The following SLC2A1 variants were observed in gnomAD, a reference collection of about 807,000 sequenced individuals.
SLC2A1 encodes the protein solute carrier family 2 member 1, also known as solute carrier family 2, facilitated glucose transporter member 1.
In SLC2A1, 4 loss-of-function variants were observed where a neutral mutation model predicts 46.6. The ratio of observed to expected loss-of-function variants is 0.09; its 90% CI spans 0.04 to 0.20. The LOEUF (loss-of-function observed/expected upper bound fraction) is 0.20. Ranked by LOEUF, SLC2A1 falls within the 10% of genes least tolerant of loss-of-function variation. The pLI, the probability that SLC2A1 is intolerant of heterozygous loss-of-function variation, is 1.00. For missense variants in SLC2A1, 352 were observed against 667.0 expected (o/e 0.53, Z 5.20); for synonymous variants, 253 against 270.0 (o/e 0.94, Z 0.62).
rs771386274 is a variant in SLC2A1, at chr1:42,929,868, C to T, written c.679+5G>A. 1.5e-5 allele frequency: 24 copies of T among 1,613,982 alleles called. No individual in the cohort carries two copies. The highest frequency in any genetic ancestry group is 1.7e-5 in the Non-Finnish European group (20 of 1,180,022). ...GTGGGGAGGAGGGCAGGGCCATGCC[C>T]GTACCACTCTTGGCCCGGTTCTCCT... On this transcript the variant is annotated splice_donor_5th_base_variant and intron_variant, in intron 5 of 9. Coordinates refer to ENST00000426263, the MANE Select transcript of SLC2A1 (RefSeq NM_006516.4). This position sits in a 1 kb window ranked among gnomAD's most constrained non-coding sequence, Gnocchi z 6.0.
chr1:42,958,195 G>C (rs1216051142), intron 1 of SLC2A1, among the ~76,000 whole-genome samples: 2 of 151,790 alleles, frequency 1.3e-5, no homozygotes, highest in Non-Finnish European at 2.9e-5. Context: ...GCCGGGGCCG[G>C]GGCCGGGCCG....
chr1:42,952,562 G>A, intron 1 of SLC2A1: 1 of 345,928 alleles, frequency 2.9e-6, no homozygotes, highest in Non-Finnish European at 5.9e-6. Flanking sequence ...GCCACAGACA[G>A]CACACAGGGC....
chr1:42,927,932 G>A lies in SLC2A1; in HGVS notation c.1075-124C>T. 1 of 774,578 alleles carries A rather than the reference G, an allele frequency of 1.3e-6. No individual in the cohort carries two copies. The highest frequency in any genetic ancestry group is 2.2e-6 in the Non-Finnish European group (1 of 451,698). The allele number at this position is 774,578 out of a possible 1,614,324, so 48.0% of individuals were successfully genotyped here. A position where few individuals can be genotyped will look rare whatever the true frequency, so the allele number is the denominator to read the frequency against. On this transcript the variant is annotated intron_variant, in intron 8 of 9. Coordinates refer to ENST00000426263, the MANE Select transcript of SLC2A1 (RefSeq NM_006516.4). This position sits in a 1 kb window ranked among gnomAD's most constrained non-coding sequence, Gnocchi z 5.3. ...AGGCAGGAAGCCTGGGGATGGTCCT[G>A]GATTTGTTGTGTATCCAGCATTGGG...
chr1:42,928,217 C>T (rs1643448418), intron 8 of SLC2A1, among the ~76,000 whole-genome samples: 1 of 152,230 alleles, frequency 6.6e-6, no homozygotes. Flanking sequence ...TACGGTTCTG[C>T]ATATAACCAT....
Position 42,927,684 on chromosome 1 carries a change from C to A in SLC2A1, c.1199G>T (p.Arg400Leu), listed in dbSNP as rs776095655. The change falls in exon 9 of 10, where the codon CGT becomes CTT. Residue 400 changes from arginine (R) to leucine (L), a missense_variant. This residue lies in a region of SLC2A1 where 35 missense variants were observed against 107.2 expected (regional missense o/e 0.33). Coordinates refer to ENST00000426263, the MANE Select transcript of SLC2A1 (RefSeq NM_006516.4). This position sits in a 1 kb window ranked among gnomAD's most constrained non-coding sequence, Gnocchi z 5.3. Reference sequence around the variant, plus strand: ...GCCTGCAACGGCAATGGCAGCTGGACGTGGACCCTGGCTGAAGAGTTCAGC... The same window carrying A: ...GCCTGCAACGGCAATGGCAGCTGGAAGTGGACCCTGGCTGAAGAGTTCAGC... ...IVAELFSQGP[R>L]PAAIAVAGFS... The A allele has an allele frequency of 6.2e-7, 1 of 1,614,158 alleles. No homozygotes were observed. The highest frequency in any genetic ancestry group is 8.5e-7 in the Non-Finnish European group (1 of 1,180,042).
rs1382804667 is a variant in SLC2A1, at chr1:42,927,008, T to G, written c.*33A>C. ...GCTCCTGAGAGATCCTTAGGGCTGC[T>G]GGGAGCAGGCCGGGCTGGTGATCTG... is the stretch of plus-strand genomic sequence containing the variant. On this transcript the variant is annotated 3_prime_UTR_variant, in exon 10 of 10. Transcript: ENST00000426263. This position sits in a 1 kb window ranked among gnomAD's most constrained non-coding sequence, Gnocchi z 5.3. 6.2e-7 allele frequency: 1 copy of G among 1,609,102 alleles called. No individual in the cohort carries two copies. Among genetic ancestry groups the G allele is most frequent in the East Asian group, 2.2e-5 (1 of 44,764 alleles).
chr1:42,936,645 A>AAGGCC (rs1041798608), intron 2 of SLC2A1, among the ~76,000 whole-genome samples: 5 of 152,008 alleles, frequency 3.3e-5, no homozygotes, highest in Non-Finnish European at 5.9e-5. Context: ...CCTCCAAACC[A>AAGGCC]AGGCCAGGCC....
At chr1:42,945,244 A>G (rs761274243) in intron 1 of SLC2A1, among the ~76,000 whole-genome samples, 7 of 152,168 alleles carry the variant, frequency 4.6e-5, no homozygotes, top group Non-Finnish European at 7.3e-5. Context: ...AGTGACATCA[A>G]TCTATCATTT....
chr1:42,946,349 T>G (rs1357630842), intron 1 of SLC2A1, among the ~76,000 whole-genome samples: 2 of 152,120 alleles, frequency 1.3e-5, no homozygotes, highest in African/African-American at 2.4e-5. Flanking sequence ...ATGCTCTAGG[T>G]CTCATGCTAA....
chr1:42,954,483 T>C lies in SLC2A1; in HGVS notation c.18+4151A>G, dbSNP rs3768044. On this transcript the variant is annotated intron_variant, in intron 1 of 9. Coordinates refer to ENST00000426263, the MANE Select transcript of SLC2A1 (RefSeq NM_006516.4). The surrounding 1 kb of genome is among the most constrained non-coding windows in gnomAD (Gnocchi z 4.2). Reference sequence around the variant, plus strand: ...AAGGTTGTGGTGAGCTGAGATTGTGTCATGGCACTCCAGCCTGGGCAACAA... The same window carrying C: ...AAGGTTGTGGTGAGCTGAGATTGTGCCATGGCACTCCAGCCTGGGCAACAA... 0.37 allele frequency among the ~76,000 whole-genome samples: 56,567 copies of C among 152,158 alleles called. 13,389 individuals are homozygous for C. The highest frequency in any genetic ancestry group is 0.67 in the African/African-American group (28,011 of 41,520).
At position 42,926,877 on chromosome 1, in the gene SLC2A1, T is replaced by TAA; in HGVS notation, c.*162_*163dup. 6.8e-7 allele frequency: 1 copy of TAA among 1,481,104 alleles called. No individual in the cohort carries two copies. The highest frequency in any genetic ancestry group is 8.9e-7 in the Non-Finnish European group (1 of 1,122,080). The allele number at this position is 1,481,104 out of a possible 1,614,324, so 91.7% of individuals were successfully genotyped here. ...GCTTTTGTTAAAATCCTGGAGCCGT[T>TAA]AAGTCCTGAATATTCTTCTGGACAT... On this transcript the variant is annotated 3_prime_UTR_variant, in exon 10 of 10. Transcript: ENST00000426263.
intron 1 of SLC2A1, among the ~76,000 whole-genome samples, chr1:42,943,890 C>T (rs916773227): frequency 6.6e-6 from 1 of 152,166 alleles, no homozygotes; most frequent in South Asian, 2.1e-4. Context: ...GCAACAGCTT[C>T]GTTTGTCACA....
rs115383552 is a variant in SLC2A1, at chr1:42,943,550, G to T, written c.19-229C>A. 2.0e-3 allele frequency among the ~76,000 whole-genome samples: 310 copies of T among 152,224 alleles called. 1 individual carries two copies. Among genetic ancestry groups the T allele is most frequent in the Non-Finnish European group, 3.7e-3 (253 of 67,996 alleles). On this transcript the variant is annotated intron_variant, in intron 1 of 9. Coordinates refer to ENST00000426263, the MANE Select transcript of SLC2A1 (RefSeq NM_006516.4). Reference sequence around the variant, plus strand: ...GCCATTTCCTGGGGAGAGAGGGGAAGTATGATCTTCTCTCTCTGTAGCCAG... The same window carrying T: ...GCCATTTCCTGGGGAGAGAGGGGAATTATGATCTTCTCTCTCTGTAGCCAG...
Position 42,926,072 on chromosome 1 carries a change from T to C in SLC2A1, c.*969A>G, listed in dbSNP as rs1643422260. On this transcript the variant is annotated 3_prime_UTR_variant, in exon 10 of 10. Transcript: ENST00000426263. The stretch of plus-strand genomic sequence containing the variant: ...GGATCCTGAGTCGAAGTCTAAGCCG[T>C]TGCAGTGGTTGCAACCCCACTTACT... The C allele has an allele frequency of 6.6e-6, 1 of 152,524 alleles. No individual in the cohort carries two copies. The highest frequency in any genetic ancestry group is 1.5e-5 in the Non-Finnish European group (1 of 68,036). 9.4% of individuals were successfully genotyped at this position (152,524 alleles called of 1,614,324 possible). A position where few individuals can be genotyped will look rare whatever the true frequency, so the allele number is the denominator to read the frequency against.
intron 1 of SLC2A1, among the ~76,000 whole-genome samples, chr1:42,947,041 T>G (rs923344623): frequency 6.6e-6 from 1 of 152,152 alleles, no homozygotes; most frequent in African/African-American, 2.4e-5. Context: ...CCTCCACAAG[T>G]GTTTGCTGGA....
chr1:42,942,647 A>C (rs1039180337), intron 2 of SLC2A1, among the ~76,000 whole-genome samples: 3 of 151,934 alleles, frequency 2.0e-5, no homozygotes, highest in African/African-American at 7.3e-5. Flanking sequence ...TTCAACCTAC[A>C]AATAAAGGAA....
At position 42,954,333 on chromosome 1, in the gene SLC2A1, A is replaced by G. The variant is rs1643752372; in HGVS notation, c.18+4301T>C. 1.3e-5 allele frequency among the ~76,000 whole-genome samples: 2 copies of G among 152,170 alleles called. No homozygotes were observed. Among genetic ancestry groups the G allele is most frequent in the African/African-American group, 4.8e-5 (2 of 41,442 alleles). ...CTGGAGTTCGAGACCAGCTTGACCA[A>G]CATGAAGAAACCCCATCTCTACTAA... On this transcript the variant is annotated intron_variant, in intron 1 of 9. Coordinates refer to ENST00000426263, the MANE Select transcript of SLC2A1 (RefSeq NM_006516.4). This position sits in a 1 kb window ranked among gnomAD's most constrained non-coding sequence, Gnocchi z 4.2.
At chr1:42,948,363 C>T (rs1184730031) in intron 1 of SLC2A1, among the ~76,000 whole-genome samples, 1 of 152,196 alleles carries the variant, frequency 6.6e-6, no homozygotes, top group Non-Finnish European at 1.5e-5. Context: ...AGGAAGGGCA[C>T]GTGGCTACTG....
chr1:42,946,273 C>T (rs913419883), intron 1 of SLC2A1, among the ~76,000 whole-genome samples: 2 of 152,216 alleles, frequency 1.3e-5, no homozygotes, highest in African/African-American at 4.8e-5. Context: ...CTACCCACTC[C>T]CTGGGTCATA....
Sources: allele counts gnomAD v4.1 joint callset (sites outside exome capture counted in the v4.1 genomes callset), GRCh38; gene constraint gnomAD v4.1.1; regional missense constraint gnomAD v4.1.1; non-coding constraint Gnocchi (gnomAD v3.1); transcripts MANE v1.5; gene names NCBI Gene and HGNC (gene_info 2026-07-23, HGNC 2026-07-21).